Variants in PCSK1 observed in about 807,000 individuals in gnomAD.
PCSK1 encodes proprotein convertase subtilisin/kexin type 1.
PCSK1 carries 56 observed loss-of-function variants against 90.6 expected under a neutral mutation model. That is an observed-to-expected ratio of 0.62 (90% CI 0.50 to 0.77). PCSK1 has a LOEUF of 0.77. PCSK1 is among the 30% of genes least tolerant of loss of function. PCSK1 has a pLI of 0.00. For missense variants in PCSK1, 801 were observed against 932.6 expected (o/e 0.86, Z 1.84); for synonymous variants, 348 against 342.4 (o/e 1.02, Z -0.18).
rs757150368 is a variant in PCSK1, at chr5:96,417,775, C to T, written c.621-1654G>A. The stretch of plus-strand genomic sequence containing the variant: ...CATTTGCAACTGAAGCTGTCCTGAC[C>T]ACACCATTCTCTGAGAAAAGTGCAC... On this transcript the variant is annotated intron_variant, in intron 5 of 13. Transcript: ENST00000311106. Among the ~76,000 whole-genome samples, 5 of 152,162 alleles carry T rather than the reference C, an allele frequency of 3.3e-5. No homozygotes were observed. The South Asian group carries it at 1.0e-3, about 32-fold the overall frequency.
At chr5:96,431,881 G>A (rs868084178) in intron 1 of PCSK1, among the ~76,000 whole-genome samples, 5 of 152,088 alleles carry the variant, frequency 3.3e-5, no homozygotes, top group South Asian at 4.2e-4. Flanking sequence ...AGCAGGGGGC[G>A]AGGGCTTGAT....
At chr5:96,431,088 C>A (rs1226864348) in intron 1 of PCSK1, among the ~76,000 whole-genome samples, 1 of 152,146 alleles carries the variant, frequency 6.6e-6, no homozygotes, top group Non-Finnish European at 1.5e-5. Context: ...AAGGAATACA[C>A]AATTAAATCC....
At chr5:96,401,112 A>G (rs1760353060) in intron 9 of PCSK1, among the ~76,000 whole-genome samples, 1 of 138,648 alleles carries the variant, frequency 7.2e-6, no homozygotes, top group Non-Finnish European at 1.6e-5. Flanking sequence ...AAAAAAAAAA[A>G]GAAGTTTACA....
At chr5:96,409,041 A>C (rs1263788556) in intron 8 of PCSK1, among the ~76,000 whole-genome samples, 3 of 152,226 alleles carry the variant, frequency 2.0e-5, no homozygotes, top group Non-Finnish European at 4.4e-5. Flanking sequence ...CTCATATGCG[A>C]GACTTACCCG....
chr5:96,411,512 G>C (rs1760752937), intron 7 of PCSK1, among the ~76,000 whole-genome samples: 1 of 152,120 alleles, frequency 6.6e-6, no homozygotes, highest in Admixed American at 6.5e-5. Flanking sequence ...TCATCTTATG[G>C]AGCACAAGGC....
intron 4 of PCSK1, among the ~76,000 whole-genome samples, chr5:96,422,196 C>T (rs1761152051): frequency 6.6e-6 from 1 of 152,078 alleles, no homozygotes; most frequent in South Asian, 2.1e-4. Flanking sequence ...GTTACCAAGC[C>T]TATGGTTCAC....
intron 10 of PCSK1, 43 bp from the exon 11 acceptor site, chr5:96,399,079 A>G (rs1347021243): frequency 1.4e-6 from 2 of 1,464,306 alleles, no homozygotes; most frequent in Middle Eastern, 1.7e-4. Context: ...GTATATCCAA[A>G]CTTCCTTGCA....
At chr5:96,422,392 G>C (rs1761157739) in intron 4 of PCSK1, among the ~76,000 whole-genome samples, 1 of 152,112 alleles carries the variant, frequency 6.6e-6, no homozygotes, top group Admixed American at 6.6e-5. Flanking sequence ...CTGAGGGTGG[G>C]ACTCAGGTCC....
intron 7 of PCSK1, 92 bp downstream of exon 7, chr5:96,412,226 A>G (rs1760778152): frequency 9.2e-7 from 1 of 1,083,242 alleles, no homozygotes; most frequent in Admixed American, 1.7e-5. Flanking sequence ...ATCCACAACA[A>G]TGTTATTCCA....
chr5:96,411,059 C>T, intron 7 of PCSK1, 73 bp from the exon 8 acceptor site: 1 of 1,039,338 alleles, frequency 9.6e-7, no homozygotes, highest in South Asian at 1.3e-5. Context: ...AATAAAATCC[C>T]CAACGACTAC....
Position 96,420,492 on chromosome 5 carries a change from A to G in PCSK1, c.620+1388T>C, listed in dbSNP as rs372456163. Among the ~76,000 whole-genome samples the G allele has an allele frequency of 5.9e-5, 9 of 152,232 alleles. 1 individual carries two copies. The highest frequency in any genetic ancestry group is 2.2e-4 in the African/African-American group (9 of 41,534). On this transcript the variant is annotated intron_variant, in intron 5 of 13. Coordinates refer to ENST00000311106, the MANE Select transcript of PCSK1 (RefSeq NM_000439.5). ...CACCTCTAAGGGATATTTGCGGTTA[A>G]CCCCTTTAGTCACCCTCAAAGAAAT...
rs188192991 is a variant in PCSK1 at position 96,409,246 on chromosome 5, C to T, written c.1096-923G>A. 7.2e-4 allele frequency among the ~76,000 whole-genome samples: 109 copies of T among 152,180 alleles called. 1 individual carries two copies. Among genetic ancestry groups the T allele is most frequent in the African/African-American group, 2.6e-3 (106 of 41,522 alleles). On this transcript the variant is annotated intron_variant, in intron 8 of 13. Coordinates refer to ENST00000311106, the MANE Select transcript of PCSK1 (RefSeq NM_000439.5). ...AAGACACCCACCCAGGCTCCAGCAC[C>T]GAAGTTCTAGCTCGAGATTTCGATG...
chr5:96,406,493 A>G (rs1760568165), intron 9 of PCSK1, among the ~76,000 whole-genome samples: 2 of 152,180 alleles, frequency 1.3e-5, no homozygotes, highest in Non-Finnish European at 2.9e-5. Context: ...CAGCCCCTCC[A>G]AGTAGGTGGA....
Position 96,412,420 on chromosome 5 carries a change from G to T in PCSK1, c.780C>A (p.His260Gln). ...EASSIGFNPG[H>Q]VDIYSASWGP... Reference sequence around the variant, plus strand: ...CCCAGCTTGCACTGTAAATATCCACGTGTCCAGGATTGAATCCAATTGAAC... The same window carrying T: ...CCCAGCTTGCACTGTAAATATCCACTTGTCCAGGATTGAATCCAATTGAAC... Residue 260 changes from histidine (H) to glutamine (Q), a missense_variant, in exon 7 of 14, where the codon CAC becomes CAA. His to Gln is a conservative substitution (Grantham distance 24). Transcript: ENST00000311106. 3 of 1,613,628 alleles carry T rather than the reference G, an allele frequency of 1.9e-6. No individual in the cohort carries two copies. The highest frequency in any genetic ancestry group is 2.5e-6 in the Non-Finnish European group (3 of 1,179,652).
intron 8 of PCSK1, among the ~76,000 whole-genome samples, chr5:96,409,131 A>C (rs767623614): frequency 7.9e-5 from 12 of 152,186 alleles, no homozygotes; most frequent in Non-Finnish European, 1.5e-4. Context: ...GGTAATGAAG[A>C]GATTGCTGAG....
At chr5:96,423,029 A>G (rs1436690857) in intron 4 of PCSK1, among the ~76,000 whole-genome samples, 1 of 152,200 alleles carries the variant, frequency 6.6e-6, no homozygotes, top group Non-Finnish European at 1.5e-5. Context: ...TGAGCAACTC[A>G]AAGTCATCAG....
chr5:96,397,486 A>G lies in PCSK1; in HGVS notation c.1589-17T>C. 3 of 1,608,268 alleles carry G rather than the reference A, an allele frequency of 1.9e-6. No individual in the cohort carries two copies. Among genetic ancestry groups the G allele is most frequent in the Non-Finnish European group, 2.6e-6 (3 of 1,174,694 alleles). ...TGCTAGTTCCTATGAAACAAATACA[A>G]GTTAATGAATGTCCTAATAGCTCTG... On this transcript the variant is annotated splice_polypyrimidine_tract_variant and intron_variant, in intron 11 of 13. Coordinates refer to ENST00000311106, the MANE Select transcript of PCSK1 (RefSeq NM_000439.5).
intron 1 of PCSK1, 112 bp from the exon 2 acceptor site, chr5:96,429,429 G>A: frequency 4.6e-6 from 3 of 648,248 alleles, no homozygotes; most frequent in East Asian, 2.8e-5. Flanking sequence ...GCCCATTCCT[G>A]GTATCTGAAA....
intron 9 of PCSK1, among the ~76,000 whole-genome samples, chr5:96,407,765 C>T (rs1299479808): frequency 6.6e-6 from 1 of 152,194 alleles, no homozygotes; most frequent in Admixed American, 6.5e-5. Context: ...ATATCAGCTC[C>T]AGGACTAGGC....
Sources: allele counts gnomAD v4.1 joint callset (sites outside exome capture counted in the v4.1 genomes callset), GRCh38; gene constraint gnomAD v4.1.1; transcripts MANE v1.5; gene names NCBI Gene and HGNC (gene_info 2026-07-23, HGNC 2026-07-21).